FOXP2: variants seen among roughly 807,000 people sequenced by gnomAD.
FOXP2 encodes the protein forkhead box P2, also known as forkhead box protein P2.
A neutral mutation model predicts 115.8 loss-of-function variants in FOXP2; 12 were observed. That is an observed-to-expected ratio of 0.10 (90% CI 0.07 to 0.17). FOXP2 has a LOEUF of 0.17. Ranked by LOEUF, FOXP2 falls within the 10% of genes least tolerant of loss-of-function variation. FOXP2 has a pLI of 1.00. For missense variants in FOXP2, 629 were observed against 843.5 expected (o/e 0.75, Z 3.15); for synonymous variants, 328 against 297.7 (o/e 1.10, Z -1.05).
intron 2 of FOXP2, among the ~76,000 whole-genome samples, chr7:114,331,784 T>A (rs577655523): frequency 9.3e-4 from 142 of 151,980 alleles, no homozygotes; most frequent in African/African-American, 3.3e-3. Context: ...TTTCTTGCAT[T>A]ACAGGCATGC....
At chr7:114,318,885 C>T (rs1433451368) in intron 2 of FOXP2, among the ~76,000 whole-genome samples, 3 of 152,028 alleles carry the variant, frequency 2.0e-5, no homozygotes. Context: ...CTGAAAATAT[C>T]TGTAAATAAT....
At chr7:114,087,622 C>T (rs1351674532), upstream of FOXP2, 3 of 146,838 alleles carry the variant, frequency 2.0e-5, 1 homozygote, top group South Asian at 3.7e-4. Flanking sequence ...GGCGCACGTG[C>T]GGCGGCGGCG....
chr7:114,277,512 G>A (rs562244752), intron 1 of FOXP2, among the ~76,000 whole-genome samples: 102 of 151,852 alleles, frequency 6.7e-4, no homozygotes, highest in African/African-American at 2.3e-3. Flanking sequence ...CAGTCTAGTG[G>A]CTAAAGACCA....
At chr7:114,365,511 A>G (rs1378530203) in intron 2 of FOXP2, among the ~76,000 whole-genome samples, 2 of 152,096 alleles carry the variant, frequency 1.3e-5, no homozygotes, top group Admixed American at 6.6e-5. Context: ...CATGGAATAT[A>G]TAATTATCTG....
rs368927343 is a variant in FOXP2, at chr7:114,428,085, A to G, written c.168+1406A>G. Among the ~76,000 whole-genome samples, 4 of 151,570 alleles carry G rather than the reference A, an allele frequency of 2.6e-5. No homozygotes were observed. The East Asian group carries it at 5.8e-4, about 22-fold the overall frequency. On this transcript the variant is annotated intron_variant, in intron 2 of 16. Transcript: ENST00000350908. ...TTCGCAGGAAATATCACACCAGTGG[A>G]ATGCTACAATATTCCTCCTAATTTC... is the stretch of plus-strand genomic sequence containing the variant.
At chr7:114,528,107 G>T (rs1055809886) in intron 2 of FOXP2, among the ~76,000 whole-genome samples, 4 of 152,040 alleles carry the variant, frequency 2.6e-5, no homozygotes, top group East Asian at 3.9e-4. Context: ...CCAATAATTA[G>T]CCCCAAACAA....
At chr7:114,371,628 G>A (rs571726130) in intron 2 of FOXP2, among the ~76,000 whole-genome samples, 33 of 152,060 alleles carry the variant, frequency 2.2e-4, no homozygotes, top group African/African-American at 7.2e-4. Flanking sequence ...AAAGATGTTC[G>A]ATTAATGAAA....
At chr7:114,273,474 T>C (rs1329796717) in intron 1 of FOXP2, among the ~76,000 whole-genome samples, 2 of 152,050 alleles carry the variant, frequency 1.3e-5, no homozygotes, top group Admixed American at 1.3e-4. Context: ...AGTTGATTGA[T>C]GGTGTTGTAT....
intron 3 of FOXP2, among the ~76,000 whole-genome samples, chr7:114,597,206 A>C (rs1435666296): frequency 1.3e-5 from 2 of 152,064 alleles, no homozygotes; most frequent in Non-Finnish European, 2.9e-5. Flanking sequence ...TAGAGTTACT[A>C]ACTCTAGAAA....
At chr7:114,644,937 A>G in intron 8 of FOXP2, 148 bp downstream of exon 8, 1 of 622,652 alleles carries the variant, frequency 1.6e-6, no homozygotes, top group Non-Finnish European at 2.8e-6. Context: ...CAACAAGTGG[A>G]TTAGTAAGAT....
At chr7:114,578,373 A>C (rs1801677742) in intron 3 of FOXP2, among the ~76,000 whole-genome samples, 1 of 151,956 alleles carries the variant, frequency 6.6e-6, no homozygotes, top group South Asian at 2.1e-4. Flanking sequence ...TCCTATATGG[A>C]CTGATAGTGT....
intron 1 of FOXP2, among the ~76,000 whole-genome samples, chr7:114,149,415 G>T (rs1234612143): frequency 1.3e-5 from 2 of 152,150 alleles, no homozygotes; most frequent in East Asian, 1.9e-4. Flanking sequence ...TAAAAAAGCT[G>T]TTACATGGTT....
At chr7:114,525,618 AC>A (rs1467623143) in intron 2 of FOXP2, among the ~76,000 whole-genome samples, 2 of 152,094 alleles carry the variant, frequency 1.3e-5, no homozygotes, top group Non-Finnish European at 2.9e-5. Flanking sequence ...TCAAAAGATA[AC>A]CACACCTCTT....
In FOXP2 at chr7:114,627,599, C is replaced by T. The variant is rs540652136; in HGVS notation, c.259-941C>T. On this transcript the variant is annotated intron_variant, in intron 3 of 16. Transcript: ENST00000350908. ...GTTCTGTCTTTCTCTAGGGCTTTCCCACTAGCTTGTCCTTTTTCTACGTTT... is the reference window on the plus strand; with the variant it reads ...GTTCTGTCTTTCTCTAGGGCTTTCCTACTAGCTTGTCCTTTTTCTACGTTT... Among the ~76,000 whole-genome samples, 748 of 152,158 alleles carry T rather than the reference C, an allele frequency of 4.9e-3. 2 individuals are homozygous for T. The highest frequency in any genetic ancestry group is 7.7e-3 in the Non-Finnish European group (525 of 67,944).
At chr7:114,251,862 T>G (rs1298395211) in intron 1 of FOXP2, among the ~76,000 whole-genome samples, 1 of 152,220 alleles carries the variant, frequency 6.6e-6, no homozygotes. Flanking sequence ...CTTCCCTGTC[T>G]TGTGCCAGTT....
At chr7:114,353,751 G>T (rs1791550708) in intron 2 of FOXP2, among the ~76,000 whole-genome samples, 1 of 151,996 alleles carries the variant, frequency 6.6e-6, no homozygotes, top group Admixed American at 6.6e-5. Context: ...CTACTGATCT[G>T]TAGGCCACTT....
chr7:114,655,864 G>C (rs958824299), intron 10 of FOXP2, among the ~76,000 whole-genome samples: 15 of 152,062 alleles, frequency 9.9e-5, no homozygotes, highest in Admixed American at 7.2e-4. Context: ...TTCATTAAAT[G>C]GTACCTTTTG....
At chr7:114,530,479 G>C (rs1349614950) in intron 2 of FOXP2, among the ~76,000 whole-genome samples, 17 of 151,694 alleles carry the variant, frequency 1.1e-4, no homozygotes, top group Admixed American at 1.1e-3. Context: ...TTTATGGGGA[G>C]ATATATGACT....
intron 2 of FOXP2, among the ~76,000 whole-genome samples, chr7:114,391,720 G>C (rs1792606920): frequency 6.6e-6 from 1 of 152,152 alleles, no homozygotes; most frequent in African/African-American, 2.4e-5. Flanking sequence ...AAGCCTTTCT[G>C]TCCATGGCTA....
Sources: allele counts gnomAD v4.1 joint callset (sites outside exome capture counted in the v4.1 genomes callset), GRCh38; gene constraint gnomAD v4.1.1; transcripts MANE v1.5; gene names NCBI Gene and HGNC (gene_info 2026-07-23, HGNC 2026-07-21).